The following SUGCT variants were observed in gnomAD, a reference collection of about 807,000 sequenced individuals.
SUGCT encodes succinyl-CoA:glutarate-CoA transferase.
SUGCT carries 41 observed loss-of-function variants against 55.0 expected under a neutral mutation model. The ratio of observed to expected loss-of-function variants is 0.74; its 90% confidence interval spans 0.58 to 0.97. The LOEUF (loss-of-function observed/expected upper bound fraction) is 0.97. Among genes scored for constraint, SUGCT ranks in the 50% least tolerant of loss-of-function variants. SUGCT has a pLI of 0.00. For missense variants in SUGCT, 568 were observed against 547.8 expected (o/e 1.04, Z -0.37); for synonymous variants, 187 against 200.4 (o/e 0.93, Z 0.56).
intron 12 of SUGCT, among the ~76,000 whole-genome samples, chr7:40,591,312 G>A (rs934981893): frequency 3.3e-5 from 5 of 152,116 alleles, no homozygotes; most frequent in African/African-American, 1.2e-4. Context: ...AAATAACAGA[G>A]GATTAAAATT....
intron 13 of SUGCT, among the ~76,000 whole-genome samples, chr7:40,812,518 G>A (rs1791476444): frequency 6.6e-6 from 1 of 152,058 alleles, no homozygotes; most frequent in Non-Finnish European, 1.5e-5. Context: ...GCATAGAGGT[G>A]TGCATATTAG....
chr7:40,981,108 C>T, the SUGCT span, among the ~76,000 whole-genome samples: 1 of 152,240 alleles, frequency 6.6e-6, no homozygotes, highest in South Asian at 2.1e-4. Flanking sequence ...TAGCTCTGCC[C>T]ACACATGCTT....
chr7:40,907,042 A>G, the SUGCT span, among the ~76,000 whole-genome samples: 1 of 151,402 alleles, frequency 6.6e-6, no homozygotes, highest in African/African-American at 2.4e-5. Context: ...GCTTCAGTTC[A>G]GGGTAGGAAG....
rs560678605 is a variant in SUGCT, at chr7:40,498,507, G to A, written c.1089+2121G>A. Among the ~76,000 whole-genome samples, 5 of 152,234 alleles carry A rather than the reference G, an allele frequency of 3.3e-5. No homozygotes were observed. The South Asian group carries it at 6.2e-4, about 19-fold the overall frequency. On this transcript the variant is annotated intron_variant, in intron 12 of 13. Transcript: ENST00000335693. Reference sequence around the variant, plus strand: ...CTCCCCACCAGAACTATCATCCTGTGTACTCCTGAGTGAGGCTGACAAGCT... The same window carrying A: ...CTCCCCACCAGAACTATCATCCTGTATACTCCTGAGTGAGGCTGACAAGCT...
At chr7:40,422,877 C>T (rs750851392) in intron 9 of SUGCT, among the ~76,000 whole-genome samples, 1 of 150,916 alleles carries the variant, frequency 6.6e-6, no homozygotes, top group East Asian at 1.9e-4. Context: ...ATCTCTACTA[C>T]TTCATTCTTC....
chr7:41,027,533 A>G, the SUGCT span, among the ~76,000 whole-genome samples: 1 of 152,196 alleles, frequency 6.6e-6, no homozygotes, highest in African/African-American at 2.4e-5. Context: ...TCTGCGGTGT[A>G]AGAAGCATGC....
At chr7:40,541,662 C>G (rs1261567013) in intron 12 of SUGCT, among the ~76,000 whole-genome samples, 1 of 152,056 alleles carries the variant, frequency 6.6e-6, no homozygotes, top group Non-Finnish European at 1.5e-5. Context: ...ACATATTTTT[C>G]AAAAGTTACA....
At chr7:40,218,000 G>C (rs1383492745) in intron 6 of SUGCT, among the ~76,000 whole-genome samples, 1 of 152,104 alleles carries the variant, frequency 6.6e-6, no homozygotes, top group African/African-American at 2.4e-5. Context: ...GAATCCTTGA[G>C]GTCAGGAGTT....
Position 40,240,296 on chromosome 7 carries a change from C to G in SUGCT, c.576+2570C>G, listed in dbSNP as rs185973006. ...TTCGGGAGTTCGAGACCAGCCTGAT[C>G]AACATGGAGAAACCCCATCTGTACT... On this transcript the variant is annotated intron_variant, in intron 7 of 13. Coordinates refer to ENST00000335693, the MANE Select transcript of SUGCT (RefSeq NM_001193313.2). 4.6e-5 allele frequency among the ~76,000 whole-genome samples: 7 copies of G among 152,208 alleles called. No homozygotes were observed. In the East Asian group the frequency reaches 1.4e-3, roughly 29 times the overall value.
the SUGCT span, among the ~76,000 whole-genome samples, chr7:40,885,836 C>G: frequency 6.6e-6 from 1 of 152,130 alleles, no homozygotes; most frequent in Non-Finnish European, 1.5e-5. Flanking sequence ...TTGGTATGAC[C>G]CTCCTAGGCC....
At chr7:40,282,962 CTT>C (rs898321627) in intron 8 of SUGCT, among the ~76,000 whole-genome samples, 1 of 147,608 alleles carries the variant, frequency 6.8e-6, no homozygotes. Context: ...AGCTTCTTGA[CTT>C]TTTTTTTTGG....
At position 40,847,407 on chromosome 7, in the gene SUGCT, C is replaced by CTTTTTTTTTTTTT. The variant is rs1338885686; in HGVS notation, c.1154-12906_1154-12905insTTTTTTTTTTTTT. Among the ~76,000 whole-genome samples, 13 of 117,886 alleles carry CTTTTTTTTTTTTT rather than the reference C, an allele frequency of 1.1e-4. 1 individual carries two copies. Among genetic ancestry groups the CTTTTTTTTTTTTT allele is most frequent in the South Asian group, 3.1e-4 (1 of 3,228 alleles). 77.3% of individuals were successfully genotyped at this position (117,886 alleles called of 152,430 possible). On this transcript the variant is annotated intron_variant, in intron 13 of 13. Coordinates refer to ENST00000335693, the MANE Select transcript of SUGCT (RefSeq NM_001193313.2). The stretch of plus-strand genomic sequence containing the variant: ...GATGACATATACATTTCTTTTCTTT[C>CTTTTTTTTTTTTT]TTTCTTTTTTTTTTTTTTTTTTTTT...
intron 13 of SUGCT, among the ~76,000 whole-genome samples, chr7:40,828,120 A>C (rs1339104843): frequency 6.6e-6 from 1 of 152,256 alleles, no homozygotes; most frequent in African/African-American, 2.4e-5. Flanking sequence ...TAAAAGAGGT[A>C]ATTGGAACAT....
intron 9 of SUGCT, among the ~76,000 whole-genome samples, chr7:40,365,441 G>C (rs1000156323): frequency 2.0e-5 from 3 of 151,624 alleles, no homozygotes; most frequent in Non-Finnish European, 4.4e-5. Context: ...GGAAATAAAG[G>C]GTATTCAATT....
At chr7:40,467,774 A>T (rs1056232783) in intron 11 of SUGCT, among the ~76,000 whole-genome samples, 1 of 152,154 alleles carries the variant, frequency 6.6e-6, no homozygotes, top group African/African-American at 2.4e-5. Context: ...GGATGACGTA[A>T]CTAGTATTAT....
intron 12 of SUGCT, among the ~76,000 whole-genome samples, chr7:40,611,404 T>C (rs1398830098): frequency 1.1e-4 from 17 of 152,196 alleles, no homozygotes; most frequent in Admixed American, 1.1e-3. Flanking sequence ...TTTTAGATTA[T>C]TAATGGTGGG....
intron 9 of SUGCT, among the ~76,000 whole-genome samples, chr7:40,376,746 C>CT (rs58041869): frequency 0.77 from 114,313 of 148,018 alleles, 44,699 homozygotes; most frequent in Non-Finnish European, 0.84. Flanking sequence ...TATAATCACT[C>CT]TTTTTTTTTT....
intron 6 of SUGCT, among the ~76,000 whole-genome samples, chr7:40,201,968 C>G (rs1786633088): frequency 6.6e-6 from 1 of 151,930 alleles, no homozygotes; most frequent in East Asian, 1.9e-4. Flanking sequence ...TTTTTCTCCT[C>G]AGTTATTTCT....
At chr7:40,320,892 T>C (rs544645667) in intron 9 of SUGCT, among the ~76,000 whole-genome samples, 1 of 152,294 alleles carries the variant, frequency 6.6e-6, no homozygotes, top group Admixed American at 6.5e-5. Context: ...ATCACCCAAA[T>C]AGTGTATGTC....
Sources: gnomAD v4.1 joint callset for allele counts (sites outside exome capture counted in the v4.1 genomes callset) on GRCh38, gnomAD v4.1.1 for gene constraint, MANE v1.5 for transcripts, NCBI Gene and HGNC (gene_info 2026-07-23, HGNC 2026-07-21) for gene names.